The following STK33 variants were observed in gnomAD, a reference collection of about 807,000 sequenced individuals.
STK33 encodes the protein serine/threonine kinase 33.
Under a neutral mutation model 58.0 loss-of-function variants are expected in STK33, and 52 were observed. The observed-to-expected ratio is 0.90, with a 90% confidence interval of 0.72 to 1.13. The LOEUF (loss-of-function observed/expected upper bound fraction) is 1.13. Among genes scored for constraint, STK33 ranks in the 50% most tolerant of loss-of-function variants. STK33 has a pLI of 0.00. For synonymous variants in STK33, 215 were observed against 200.1 expected (o/e 1.07, Z -0.63); for missense variants, 630 against 604.2 (o/e 1.04, Z -0.45).
chr11:8,401,713 T>C lies in STK33; in HGVS notation c.1345-9003A>G, dbSNP rs376790188. 2.9e-4 allele frequency among the ~76,000 whole-genome samples: 44 copies of C among 152,244 alleles called. No individual in the cohort carries two copies. In the East Asian group the frequency reaches 6.2e-3, roughly 21 times the overall value. ...ACAGAATGGGAGAAAATTTTTGCAA[T>C]CTACTCATCTGACAAAGGGCTAATA... On this transcript the variant is annotated intron_variant, in intron 15 of 15. Coordinates refer to ENST00000687296, the MANE Select transcript of STK33 (RefSeq NM_001352389.2).
At chr11:8,580,528 T>C (rs1403630038) in intron 1 of STK33, among the ~76,000 whole-genome samples, 1 of 151,806 alleles carries the variant, frequency 6.6e-6, no homozygotes, top group Non-Finnish European at 1.5e-5. Flanking sequence ...TACAAAGAAA[T>C]AGAACAAATG....
chr11:8,428,146 C>G (rs549852789), intron 14 of STK33, among the ~76,000 whole-genome samples: 2 of 152,170 alleles, frequency 1.3e-5, no homozygotes, highest in African/African-American at 2.4e-5. Context: ...TAAAGTACAC[C>G]AAAAGTATCA....
chr11:8,345,568 C>A, the STK33 span, among the ~76,000 whole-genome samples: 1 of 152,336 alleles, frequency 6.6e-6, no homozygotes, highest in East Asian at 1.9e-4. Flanking sequence ...GGTGTGCCAG[C>A]AAGCCAGGGA....
intron 1 of STK33, among the ~76,000 whole-genome samples, chr11:8,544,972 C>A (rs1591720527): frequency 6.6e-6 from 1 of 152,256 alleles, no homozygotes; most frequent in South Asian, 2.1e-4. Flanking sequence ...AACCATGACA[C>A]GGTCCTGCTT....
At chr11:8,541,805 G>T (rs2140348312) in intron 1 of STK33, among the ~76,000 whole-genome samples, 1 of 152,258 alleles carries the variant, frequency 6.6e-6, no homozygotes, top group East Asian at 1.9e-4. Flanking sequence ...CAGTGTTAGA[G>T]AGTCTAATGG....
chr11:8,359,292 G>C, the STK33 span, among the ~76,000 whole-genome samples: 1 of 152,176 alleles, frequency 6.6e-6, no homozygotes. Context: ...TGATTTTGCT[G>C]TGTTGAAGGA....
At chr11:8,482,465 T>C (rs1308905148) in intron 1 of STK33, among the ~76,000 whole-genome samples, 2 of 152,160 alleles carry the variant, frequency 1.3e-5, no homozygotes, top group Non-Finnish European at 2.9e-5. Flanking sequence ...TACTAAGGAC[T>C]GAATTATGGA....
intron 5 of STK33, 108 bp from the exon 6 acceptor site, chr11:8,473,384 T>G (rs1489679119): frequency 1.5e-6 from 1 of 675,178 alleles, no homozygotes; most frequent in Non-Finnish European, 2.5e-6. Context: ...GTGTGCCATG[T>G]TTACTATGCA....
At chr11:8,489,248 A>T (rs1950401376) in intron 1 of STK33, among the ~76,000 whole-genome samples, 1 of 136,336 alleles carries the variant, frequency 7.3e-6, no homozygotes, top group South Asian at 2.6e-4. Context: ...CAAAGCAAGA[A>T]GCTATCTCCA....
intron 1 of STK33, among the ~76,000 whole-genome samples, chr11:8,494,117 G>A: frequency 6.6e-6 from 1 of 152,178 alleles, no homozygotes; most frequent in Admixed American, 6.5e-5. Flanking sequence ...GCAATAGAAA[G>A]AAATGAAGGG....
chr11:8,381,253 C>T, the STK33 span, among the ~76,000 whole-genome samples: 1 of 152,158 alleles, frequency 6.6e-6, no homozygotes, highest in Admixed American at 6.5e-5. Flanking sequence ...ACCCCACAAG[C>T]TATTAAAATA....
At chr11:8,353,796 G>C in the STK33 span, among the ~76,000 whole-genome samples, 2 of 152,272 alleles carry the variant, frequency 1.3e-5, no homozygotes, top group Non-Finnish European at 2.9e-5. Context: ...TGAACTTAAA[G>C]TCTCTCATCT....
At chr11:8,376,579 G>A in the STK33 span, among the ~76,000 whole-genome samples, 1 of 151,158 alleles carries the variant, frequency 6.6e-6, no homozygotes, top group Middle Eastern at 3.4e-3. Flanking sequence ...GTCTCACTCT[G>A]TCACCAGGCT....
the STK33 span, among the ~76,000 whole-genome samples, chr11:8,352,929 G>A: frequency 6.6e-6 from 1 of 152,222 alleles, no homozygotes; most frequent in African/African-American, 2.4e-5. Flanking sequence ...AGAGGGAGCG[G>A]CAGCAGAACA....
intron 1 of STK33, among the ~76,000 whole-genome samples, chr11:8,584,924 GA>G (rs1021782432): frequency 1.7e-5 from 2 of 119,402 alleles, no homozygotes; most frequent in Non-Finnish European, 3.5e-5. Flanking sequence ...CAAAGAAAAT[GA>G]TTTTTTTTTT....
chr11:8,506,909 T>C (rs531202358), intron 1 of STK33, among the ~76,000 whole-genome samples: 6 of 152,288 alleles, frequency 3.9e-5, no homozygotes, highest in African/African-American at 1.4e-4. Flanking sequence ...CTCCCCTGCT[T>C]ACTCTGAGTG....
chr11:8,424,244 C>T (rs1192694964), intron 14 of STK33, among the ~76,000 whole-genome samples: 3 of 150,256 alleles, frequency 2.0e-5, no homozygotes, highest in Admixed American at 6.7e-5. Context: ...CGGTGTTTGG[C>T]TTTTTGTCCT....
At chr11:8,559,791 AG>A (rs1483690534) in intron 1 of STK33, among the ~76,000 whole-genome samples, 2 of 152,190 alleles carry the variant, frequency 1.3e-5, no homozygotes, top group African/African-American at 4.8e-5. Context: ...TCCATCTCAC[AG>A]ATAATCATTT....
intron 6 of STK33, chr11:8,466,199 A>G (rs1009408620): frequency 1.3e-5 from 2 of 152,050 alleles, no homozygotes; most frequent in Non-Finnish European, 2.9e-5. Context: ...ACATTTCAAA[A>G]CCAATCATGC....
Sources: gnomAD v4.1 joint callset for allele counts (sites outside exome capture counted in the v4.1 genomes callset) on GRCh38, gnomAD v4.1.1 for gene constraint, MANE v1.5 for transcripts, NCBI Gene and HGNC (gene_info 2026-07-23, HGNC 2026-07-21) for gene names.